LIPC: variants seen among roughly 807,000 people sequenced by gnomAD.
The protein encoded by LIPC is hepatic triacylglycerol lipase.
Under a neutral mutation model 50.7 loss-of-function variants are expected in LIPC, and 44 were observed. That is an observed-to-expected ratio of 0.87 (90% CI 0.68 to 1.11). The LOEUF (loss-of-function observed/expected upper bound fraction) is 1.11. LIPC is among the 50% of genes most tolerant of loss of function. The probability of loss-of-function intolerance (pLI) is 0.00; values close to 1 mark genes in which losing one functional copy is unlikely to be tolerated. For synonymous variants in LIPC, 271 were observed against 256.4 expected (o/e 1.06, Z -0.54); for missense variants, 697 against 648.2 (o/e 1.08, Z -0.82).
chr15:58,487,320 G>C (rs1016494600), intron 1 of LIPC, among the ~76,000 whole-genome samples: 10 of 152,292 alleles, frequency 6.6e-5, no homozygotes, highest in Admixed American at 5.9e-4. Context: ...CTCCCTCATG[G>C]GCTCACAGTG....
chr15:58,478,020 G>C (rs866641335), intron 1 of LIPC, among the ~76,000 whole-genome samples: 1 of 151,958 alleles, frequency 6.6e-6, no homozygotes, highest in African/African-American at 2.4e-5. Context: ...CCTGTCCCAG[G>C]CTCTGGCTTT....
intron 1 of LIPC, among the ~76,000 whole-genome samples, chr15:58,512,591 C>T (rs1409032659): frequency 2.0e-5 from 3 of 152,138 alleles, no homozygotes; most frequent in Admixed American, 1.3e-4. Context: ...GGAATCACAG[C>T]CCACAGGGTG....
chr15:58,511,180 A>G (rs1383284329), intron 1 of LIPC, among the ~76,000 whole-genome samples: 1 of 152,164 alleles, frequency 6.6e-6, no homozygotes, highest in East Asian at 1.9e-4. Context: ...TACGAATTAA[A>G]TGATTATCCA....
At chr15:58,471,396 C>T (rs1350410573) in intron 1 of LIPC, among the ~76,000 whole-genome samples, 2 of 151,758 alleles carry the variant, frequency 1.3e-5, no homozygotes, top group African/African-American at 4.8e-5. Context: ...GATCCACCAG[C>T]CTTGGCCTCC....
intron 6 of LIPC, among the ~76,000 whole-genome samples, chr15:58,551,868 TC>T (rs1207573253): frequency 6.6e-6 from 1 of 152,182 alleles, no homozygotes; most frequent in African/African-American, 2.4e-5. Flanking sequence ...TTCCTCTGGC[TC>T]CCAAGATATT....
intron 1 of LIPC, among the ~76,000 whole-genome samples, chr15:58,491,377 T>C (rs1475801012): frequency 1.3e-5 from 2 of 152,232 alleles, no homozygotes; most frequent in African/African-American, 2.4e-5. Flanking sequence ...ACTCAGCTTC[T>C]CTGAGGCTCA....
intron 1 of LIPC, among the ~76,000 whole-genome samples, chr15:58,463,843 T>A (rs1398675005): frequency 6.6e-6 from 1 of 152,162 alleles, no homozygotes; most frequent in Non-Finnish European, 1.5e-5. Flanking sequence ...TTACAGTACC[T>A]CTTGCATAAC....
At chr15:58,562,806 C>CCG (rs1555407534) in intron 7 of LIPC, among the ~76,000 whole-genome samples, 75 of 60,614 alleles carry the variant, frequency 1.2e-3, no homozygotes, top group Non-Finnish European at 1.8e-3. Flanking sequence ...ACACAAGGGA[C>CCG]CCCCCCCCAA....
At chr15:58,501,529 G>A (rs1463531474) in intron 1 of LIPC, among the ~76,000 whole-genome samples, 2 of 151,564 alleles carry the variant, frequency 1.3e-5, no homozygotes, top group East Asian at 3.8e-4. Flanking sequence ...AGTTGATGAT[G>A]GGGTGGGGAG....
At chr15:58,489,502 G>T (rs183933974) in intron 1 of LIPC, among the ~76,000 whole-genome samples, 1 of 152,116 alleles carries the variant, frequency 6.6e-6, no homozygotes, top group East Asian at 1.9e-4. Flanking sequence ...GAAATCATAG[G>T]GTTATGGAAA....
chr15:58,465,579 A>G (rs571942458), intron 1 of LIPC, among the ~76,000 whole-genome samples: 1 of 152,286 alleles, frequency 6.6e-6, no homozygotes, highest in Admixed American at 6.5e-5. Flanking sequence ...TGAGGTGTAG[A>G]TTACGGGTCA....
chr15:58,485,232 T>A (rs1466077709), intron 1 of LIPC, among the ~76,000 whole-genome samples: 2 of 151,592 alleles, frequency 1.3e-5, no homozygotes, highest in African/African-American at 4.9e-5. Context: ...AAGGAGAGAG[T>A]TGATACTCCC....
intron 1 of LIPC, among the ~76,000 whole-genome samples, chr15:58,518,364 G>A (rs1378307479): frequency 6.6e-6 from 1 of 152,286 alleles, no homozygotes; most frequent in East Asian, 1.9e-4. Context: ...GATTAAGTTA[G>A]TTCTGTGAAA....
At chr15:58,492,030 C>T (rs1481582701) in intron 1 of LIPC, among the ~76,000 whole-genome samples, 1 of 152,220 alleles carries the variant, frequency 6.6e-6, no homozygotes, top group Admixed American at 6.5e-5. Flanking sequence ...AGCAACAGAG[C>T]ACCCATTGTA....
chr15:58,507,069 T>C (rs546788294), intron 1 of LIPC, among the ~76,000 whole-genome samples: 1 of 152,216 alleles, frequency 6.6e-6, no homozygotes, highest in South Asian at 2.1e-4. Context: ...ACCACTCCCA[T>C]GATTCAATGA....
At chr15:58,440,581 C>T (rs188187294) in intron 1 of LIPC, among the ~76,000 whole-genome samples, 1 of 152,342 alleles carries the variant, frequency 6.6e-6, no homozygotes, top group East Asian at 1.9e-4. Flanking sequence ...AAGGACTTCC[C>T]ACTGTGCCAG....
At chr15:58,491,749 C>A (rs1891594286) in intron 1 of LIPC, among the ~76,000 whole-genome samples, 1 of 152,180 alleles carries the variant, frequency 6.6e-6, no homozygotes, top group African/African-American at 2.4e-5. Context: ...ACTGCCATTG[C>A]CTGACCAGAG....
intron 1 of LIPC, among the ~76,000 whole-genome samples, chr15:58,489,971 C>T (rs1257488836): frequency 2.0e-5 from 3 of 151,966 alleles, no homozygotes; most frequent in African/African-American, 7.2e-5. Context: ...TTCACAAAGG[C>T]AGTTTCACTG....
intron 1 of LIPC, among the ~76,000 whole-genome samples, chr15:58,450,342 T>G (rs1168186912): frequency 6.6e-6 from 1 of 152,178 alleles, no homozygotes; most frequent in Non-Finnish European, 1.5e-5. Context: ...GGCCCAGGAA[T>G]GTGCATTTCT....
Sources: allele counts gnomAD v4.1 joint callset (sites outside exome capture counted in the v4.1 genomes callset), GRCh38; gene constraint gnomAD v4.1.1; transcripts MANE v1.5; gene names NCBI Gene and HGNC (gene_info 2026-07-23, HGNC 2026-07-21).